PPP1CB: variants seen among roughly 807,000 people sequenced by gnomAD.
PPP1CB encodes serine/threonine-protein phosphatase PP1-beta catalytic subunit.
A neutral mutation model predicts 43.7 loss-of-function variants in PPP1CB; 2 were observed. The ratio of observed to expected loss-of-function variants is 0.05; its 90% CI spans 0.02 to 0.14. PPP1CB has a LOEUF of 0.14. PPP1CB is among the 10% of genes least tolerant of loss of function. The pLI is 1.00. For missense variants in PPP1CB, 84 were observed against 398.0 expected, an observed-to-expected ratio of 0.21 and a Z score of 6.71; for synonymous variants, 136 against 135.6, an observed-to-expected ratio of 1.00 and a Z score of -0.02.
chr2:28,781,194 A>C (rs1240083464), intron 3 of PPP1CB, among the ~76,000 whole-genome samples: 1 of 152,118 alleles, frequency 6.6e-6, no homozygotes, highest in Non-Finnish European at 1.5e-5. Context: ...GGGATTTTTT[A>C]AGTGTTAAAT....
intron 6 of PPP1CB, among the ~76,000 whole-genome samples, chr2:28,790,033 C>T (rs1012204345): frequency 6.6e-6 from 1 of 152,110 alleles, no homozygotes; most frequent in Non-Finnish European, 1.5e-5. Context: ...GTAATTCCAG[C>T]ACTTTGGGAG....
intron 1 of PPP1CB, among the ~76,000 whole-genome samples, chr2:28,759,956 C>T (rs1289615437): frequency 2.7e-5 from 3 of 111,238 alleles, no homozygotes; most frequent in African/African-American, 7.2e-5. Flanking sequence ...TAGTTAAAAC[C>T]GACTCAGGCA....
chr2:28,755,093 G>T (rs985097021), intron 1 of PPP1CB, among the ~76,000 whole-genome samples: 26 of 152,084 alleles, frequency 1.7e-4, no homozygotes, highest in African/African-American at 5.1e-4. Context: ...TTGTCACCCA[G>T]GCTGGAGTGC....
At chr2:28,788,606 T>C (rs1667323024) in intron 5 of PPP1CB, 52 bp from the exon 6 acceptor site, 1 of 1,559,862 alleles carries the variant, frequency 6.4e-7, no homozygotes, top group Admixed American at 1.8e-5. Context: ...TGTGCTATAT[T>C]CTATAAATCT....
At chr2:28,779,158 C>A (rs1045327856) in intron 3 of PPP1CB, 119 bp downstream of exon 3, 1 of 687,702 alleles carries the variant, frequency 1.5e-6, no homozygotes, top group Non-Finnish European at 2.3e-6. Flanking sequence ...CAGGCATAGG[C>A]CAGGAAGAGG....
At chr2:28,797,481 C>T (rs1420019903) in intron 7 of PPP1CB, among the ~76,000 whole-genome samples, 1 of 151,914 alleles carries the variant, frequency 6.6e-6, no homozygotes, top group East Asian at 1.9e-4. Context: ...TAATTTCCTC[C>T]TGGTTCAGTC....
intron 1 of PPP1CB, among the ~76,000 whole-genome samples, chr2:28,768,286 C>G (rs1666826963): frequency 6.6e-6 from 1 of 152,096 alleles, no homozygotes; most frequent in South Asian, 2.1e-4. Flanking sequence ...AAGTGACGGT[C>G]TCACTGGGCT....
chr2:28,798,889 A>G (rs1250461286), intron 7 of PPP1CB, among the ~76,000 whole-genome samples: 2 of 152,222 alleles, frequency 1.3e-5, no homozygotes, highest in African/African-American at 4.8e-5. Flanking sequence ...TGATGACAAC[A>G]TAGATCTTCT....
chr2:28,751,864 C>T lies in PPP1CB; in HGVS notation c.-261C>T. The T allele has an allele frequency of 9.1e-6, 5 of 548,342 alleles. No individual in the cohort carries two copies. The highest frequency in any genetic ancestry group is 1.9e-5 in the South Asian group (1 of 52,768). The allele number at this position is 548,342 out of a possible 1,614,324, so 34.0% of individuals were successfully genotyped here. The stretch of plus-strand genomic sequence containing the variant: ...GGCGGTGCCGAGGAGGAGGAGGTGG[C>T]GGCCTGGGTCTGACGCGGCCCTGTT... On this transcript the variant is annotated 5_prime_UTR_variant, in exon 1 of 8. Coordinates refer to ENST00000395366, the MANE Select transcript of PPP1CB (RefSeq NM_002709.3).
chr2:28,785,792 C>T (rs1224799496), intron 5 of PPP1CB, among the ~76,000 whole-genome samples: 1 of 152,012 alleles, frequency 6.6e-6, no homozygotes, highest in Non-Finnish European at 1.5e-5. Context: ...CTGGGTGACA[C>T]AGTGAGACCC....
intron 1 of PPP1CB, among the ~76,000 whole-genome samples, chr2:28,753,190 A>G (rs1373006977): frequency 1.4e-5 from 2 of 141,186 alleles, no homozygotes; most frequent in Non-Finnish European, 1.6e-5. Flanking sequence ...AAAGCCTTTA[A>G]TCCTTTTTAA....
intron 1 of PPP1CB, among the ~76,000 whole-genome samples, chr2:28,769,019 C>G (rs188788883): frequency 1.2e-4 from 19 of 152,150 alleles, no homozygotes; most frequent in Admixed American, 1.1e-3. Context: ...CTGTGTGATT[C>G]CAAGCAGGGT....
rs933216419 is a variant in PPP1CB at position 28,802,323 on chromosome 2, A to G, written c.*3020A>G. The G allele has an allele frequency of 2.6e-5, 4 of 152,206 alleles. No individual in the cohort carries two copies. The highest frequency in any genetic ancestry group is 6.5e-5 in the Admixed American group (1 of 15,270). 9.4% of individuals were successfully genotyped at this position (152,206 alleles called of 1,614,324 possible). A position where few individuals can be genotyped will look rare whatever the true frequency, so the allele number is the denominator to read the frequency against. On this transcript the variant is annotated 3_prime_UTR_variant, in exon 8 of 8. Coordinates refer to ENST00000395366, the MANE Select transcript of PPP1CB (RefSeq NM_002709.3). Reference sequence around the variant, plus strand: ...TTGAACCAAAAAAAATTGTTTTTACATCTTTATGCTGAAAATGTGTTTAGA... The same window carrying G: ...TTGAACCAAAAAAAATTGTTTTTACGTCTTTATGCTGAAAATGTGTTTAGA...
chr2:28,784,556 G>C (rs1667220911), intron 5 of PPP1CB, among the ~76,000 whole-genome samples: 1 of 151,936 alleles, frequency 6.6e-6, no homozygotes, highest in African/African-American at 2.4e-5. Context: ...GCCATACCTG[G>C]CTTAAATTTT....
At chr2:28,772,096 T>C (rs535493596) in intron 1 of PPP1CB, among the ~76,000 whole-genome samples, 1 of 151,954 alleles carries the variant, frequency 6.6e-6, no homozygotes, top group South Asian at 2.1e-4. Context: ...GCGGGGAGAT[T>C]ATTTGAGGTT....
intron 3 of PPP1CB, among the ~76,000 whole-genome samples, chr2:28,781,493 C>T (rs1667157801): frequency 6.6e-6 from 1 of 152,100 alleles, no homozygotes; most frequent in Admixed American, 6.6e-5. Flanking sequence ...CTTCCCATCC[C>T]ACCCCTACCC....
Position 28,784,075 on chromosome 2 carries a change from T to C in PPP1CB, c.592+97T>C, listed in dbSNP as rs1416519277. ...AAGTAGGATTGGCTTATGTAATAAATAAAAGAGCTTTTTTCATAGTCAATA... is the reference window on the plus strand; with the variant it reads ...AAGTAGGATTGGCTTATGTAATAAACAAAAGAGCTTTTTTCATAGTCAATA... On this transcript the variant is annotated intron_variant, in intron 5 of 7. Coordinates refer to ENST00000395366, the MANE Select transcript of PPP1CB (RefSeq NM_002709.3). 4.6e-6 allele frequency: 4 copies of C among 877,878 alleles called. No individual in the cohort carries two copies. In the East Asian group the frequency reaches 1.0e-4, roughly 22 times the overall value. The allele number at this position is 877,878 out of a possible 1,614,324, so 54.4% of individuals were successfully genotyped here. A position where few individuals can be genotyped will look rare whatever the true frequency, so the allele number is the denominator to read the frequency against.
chr2:28,752,014 G>A lies in PPP1CB; in HGVS notation c.-111G>A, dbSNP rs1448496648. On this transcript the variant is annotated 5_prime_UTR_variant, in exon 1 of 8. Coordinates refer to ENST00000395366, the MANE Select transcript of PPP1CB (RefSeq NM_002709.3). ...GGGAAAAGGGGGAGTTGGAGCCGGG[G>A]TCGAAACGCCGCGTGACTTGTAGGT... is the stretch of plus-strand genomic sequence containing the variant. 1 of 1,071,384 alleles carries A rather than the reference G, an allele frequency of 9.3e-7. No individual in the cohort carries two copies. The highest frequency in any genetic ancestry group is 1.3e-5 in the South Asian group (1 of 74,464). The allele number at this position is 1,071,384 out of a possible 1,614,324, so 66.4% of individuals were successfully genotyped here.
chr2:28,761,238 A>G (rs907152606), intron 1 of PPP1CB, among the ~76,000 whole-genome samples: 7 of 152,186 alleles, frequency 4.6e-5, no homozygotes, highest in Non-Finnish European at 1.0e-4. Context: ...TCAGTGAGAA[A>G]GAGTGAGGTC....
Sources: gnomAD v4.1 joint callset for allele counts (sites outside exome capture counted in the v4.1 genomes callset) on GRCh38, gnomAD v4.1.1 for gene constraint, MANE v1.5 for transcripts, NCBI Gene and HGNC (gene_info 2026-07-23, HGNC 2026-07-21) for gene names.